ARHGAP26: variants seen among roughly 807,000 people sequenced by gnomAD.
ARHGAP26 encodes the protein Rho GTPase activating protein 26, also known as rho GTPase-activating protein 26.
A neutral mutation model predicts 104.8 loss-of-function variants in ARHGAP26; 38 were observed. The ratio of observed to expected loss-of-function variants is 0.36; its 90% CI spans 0.28 to 0.48. The LOEUF is 0.48. Ranked by LOEUF, ARHGAP26 falls within the 20% of genes least tolerant of loss-of-function variation. The pLI, the probability that ARHGAP26 is intolerant of heterozygous loss-of-function variation, is 0.99. For missense variants in ARHGAP26, 704 were observed against 947.9 expected (o/e 0.74, Z 3.38); for synonymous variants, 341 against 340.0 (o/e 1.00, Z -0.03).
At chr5:142,850,431 AAAC>A (rs568007547) in intron 1 of ARHGAP26, among the ~76,000 whole-genome samples, 3 of 152,164 alleles carry the variant, frequency 2.0e-5, no homozygotes, top group African/African-American at 7.2e-5. Context: ...CCAGCATTAA[AAAC>A]AACAACAACA....
intron 19 of ARHGAP26, 48 bp downstream of exon 19, chr5:143,134,153 T>C (rs754620859): frequency 7.0e-6 from 11 of 1,571,974 alleles, no homozygotes; most frequent in Admixed American, 3.5e-5. Flanking sequence ...GGACATCCCA[T>C]GCTACCTGCA....
At chr5:143,217,414 CAGT>C (rs1810502598) in intron 22 of ARHGAP26, among the ~76,000 whole-genome samples, 1 of 152,172 alleles carries the variant, frequency 6.6e-6, no homozygotes, top group African/African-American at 2.4e-5. Flanking sequence ...GCACCTCAGA[CAGT>C]AACTGGAAAG....
At chr5:143,221,399 A>G (rs1811104858) in intron 22 of ARHGAP26, among the ~76,000 whole-genome samples, 1 of 150,808 alleles carries the variant, frequency 6.6e-6, no homozygotes, top group Non-Finnish European at 1.5e-5. Context: ...ATGGCTATTC[A>G]AAGGCTATTC....
rs1215143901 is a variant in ARHGAP26 at position 142,894,232 on chromosome 5, T to A, written c.487-6T>A. 1 of 1,613,088 alleles carries A rather than the reference T, an allele frequency of 6.2e-7. No homozygotes were observed. The highest frequency in any genetic ancestry group is 1.7e-5 in the Admixed American group (1 of 60,008). On this transcript the variant is annotated splice_polypyrimidine_tract_variant and splice_region_variant and intron_variant, in intron 5 of 22. Coordinates refer to ENST00000645722, the MANE Select transcript of ARHGAP26 (RefSeq NM_001135608.3). ...ATTTTTCTCTTAAATTCCATCTTGT[T>A]TGTAGGCAGACAGCCAAGTGGACCT...
intron 12 of ARHGAP26, among the ~76,000 whole-genome samples, chr5:143,018,326 A>C (rs568224108): frequency 6.6e-6 from 1 of 152,326 alleles, no homozygotes; most frequent in Non-Finnish European, 1.5e-5. Flanking sequence ...TTTGACTATA[A>C]ATCCTTCAAA....
chr5:142,800,369 CTTT>C (rs200656496), intron 1 of ARHGAP26, among the ~76,000 whole-genome samples: 1 of 142,082 alleles, frequency 7.0e-6, no homozygotes, highest in Non-Finnish European at 1.5e-5. Context: ...TTTTCTTTGT[CTTT>C]TTTTTTTTTT....
intron 11 of ARHGAP26, among the ~76,000 whole-genome samples, chr5:142,990,062 T>G (rs1775365948): frequency 6.6e-6 from 1 of 152,230 alleles, no homozygotes; most frequent in African/African-American, 2.4e-5. Context: ...CCAGCTTGGT[T>G]CCATTCTCCC....
At chr5:142,915,841 A>C (rs1362514738) in intron 10 of ARHGAP26, among the ~76,000 whole-genome samples, 1 of 152,150 alleles carries the variant, frequency 6.6e-6, no homozygotes, top group Non-Finnish European at 1.5e-5. Context: ...GTCCGGGTAG[A>C]GAAGGAAAAG....
intron 20 of ARHGAP26, chr5:143,170,685 TGC>T (rs199991217): frequency 6.6e-6 from 1 of 152,244 alleles, no homozygotes; most frequent in African/African-American, 2.4e-5. Flanking sequence ...CTCCACATTT[TGC>T]ACATGAGGCA....
At chr5:143,175,573 A>G (rs1207641287) in intron 20 of ARHGAP26, among the ~76,000 whole-genome samples, 2 of 152,138 alleles carry the variant, frequency 1.3e-5, no homozygotes, top group Non-Finnish European at 2.9e-5. Context: ...TGGATACCAA[A>G]ATGTAAGAGA....
At chr5:142,913,326 A>G (rs779234539) in intron 10 of ARHGAP26, 33 bp downstream of exon 10, 2 of 1,576,068 alleles carry the variant, frequency 1.3e-6, no homozygotes, top group African/African-American at 1.3e-5. Context: ...TCAGGAGCAA[A>G]TAGAGCTGAA....
chr5:142,882,926 A>C (rs977153579), intron 4 of ARHGAP26, among the ~76,000 whole-genome samples: 2 of 152,146 alleles, frequency 1.3e-5, no homozygotes, highest in Non-Finnish European at 2.9e-5. Flanking sequence ...GTTGGGAATA[A>C]ATTTTAGGAT....
At chr5:142,874,923 A>G in intron 2 of ARHGAP26, 187 bp from the exon 3 acceptor site, 1 of 578,232 alleles carries the variant, frequency 1.7e-6, no homozygotes, top group Non-Finnish European at 3.1e-6. Flanking sequence ...GGTGGAATTA[A>G]CCTGCATTTC....
At chr5:143,167,225 C>A (rs774337266) in intron 20 of ARHGAP26, among the ~76,000 whole-genome samples, 1 of 147,770 alleles carries the variant, frequency 6.8e-6, no homozygotes, top group East Asian at 2.0e-4. Context: ...TCAGCATGTT[C>A]GGAGGCCAAG....
In ARHGAP26 at chr5:142,899,747, A is replaced by G. The variant is rs147629187; in HGVS notation, c.598-2188A>G. Among the ~76,000 whole-genome samples the G allele has an allele frequency of 4.3e-3, 652 of 152,158 alleles. 7 individuals carry two copies. Among genetic ancestry groups the G allele is most frequent in the African/African-American group, 0.015 (629 of 41,520 alleles). ...GGGAGAGAAAAGGTGCTGGGAGGAG[A>G]GAAGCAAGGGGGAAGTGGGCCAAAA... On this transcript the variant is annotated intron_variant, in intron 6 of 22. Coordinates refer to ENST00000645722, the MANE Select transcript of ARHGAP26 (RefSeq NM_001135608.3).
chr5:143,183,319 G>A (rs1470466506), intron 20 of ARHGAP26, among the ~76,000 whole-genome samples: 1 of 152,156 alleles, frequency 6.6e-6, no homozygotes, highest in Non-Finnish European at 1.5e-5. Context: ...CCTCACCTGT[G>A]AAATGGGGCT....
intron 11 of ARHGAP26, among the ~76,000 whole-genome samples, chr5:142,997,576 A>ATT (rs34395064): frequency 9.9e-5 from 12 of 120,654 alleles, no homozygotes; most frequent in Non-Finnish European, 1.4e-4. Flanking sequence ...TGCCTGGCTG[A>ATT]TTTTTTTTTT....
chr5:142,992,362 C>A (rs1213479412), intron 11 of ARHGAP26, among the ~76,000 whole-genome samples: 1 of 152,050 alleles, frequency 6.6e-6, no homozygotes, highest in Non-Finnish European at 1.5e-5. Context: ...AACTATTTCA[C>A]AACTGATTCG....
intron 10 of ARHGAP26, among the ~76,000 whole-genome samples, chr5:142,913,643 A>G (rs1762122042): frequency 6.6e-6 from 1 of 152,264 alleles, no homozygotes; most frequent in Non-Finnish European, 1.5e-5. Context: ...AAAAGTATTT[A>G]GCATGATTGT....
Sources: gnomAD v4.1 joint callset for allele counts (sites outside exome capture counted in the v4.1 genomes callset) on GRCh38, gnomAD v4.1.1 for gene constraint, MANE v1.5 for transcripts, NCBI Gene and HGNC (gene_info 2026-07-23, HGNC 2026-07-21) for gene names.